The following LRRTM4 variants were observed in gnomAD, a reference collection of about 807,000 sequenced individuals.
LRRTM4 encodes leucine-rich repeat transmembrane neuronal protein 4.
In LRRTM4, 25 loss-of-function variants were observed where a neutral mutation model predicts 47.6. That is an observed-to-expected ratio of 0.53 (90% CI 0.38 to 0.73). The LOEUF (loss-of-function observed/expected upper bound fraction) is 0.73, where lower values mean the gene tolerates loss of function less well. LRRTM4 is among the 30% of genes least tolerant of loss of function. The pLI is 0.00. For missense variants in LRRTM4, 638 were observed against 713.4 expected (o/e 0.89, Z 1.20); for synonymous variants, 311 against 269.5 (o/e 1.15, Z -1.51).
At chr2:77,335,584 C>A (rs1180514517) in intron 3 of LRRTM4, among the ~76,000 whole-genome samples, 1 of 152,166 alleles carries the variant, frequency 6.6e-6, no homozygotes, top group Non-Finnish European at 1.5e-5. Flanking sequence ...TTACTCTTAT[C>A]TTTTGGAATT....
intron 3 of LRRTM4, among the ~76,000 whole-genome samples, chr2:77,374,285 A>G (rs1672752914): frequency 6.6e-6 from 1 of 151,858 alleles, no homozygotes; most frequent in Admixed American, 6.6e-5. Flanking sequence ...AAATAAATAT[A>G]TTGAAAGCAG....
intron 3 of LRRTM4, among the ~76,000 whole-genome samples, chr2:77,136,360 C>A (rs938354494): frequency 6.6e-6 from 1 of 152,160 alleles, no homozygotes; most frequent in South Asian, 2.1e-4. Flanking sequence ...GATACCCAGG[C>A]AAACAGGGTC....
chr2:77,024,125 C>T (rs1203189975), intron 3 of LRRTM4, among the ~76,000 whole-genome samples: 1 of 152,116 alleles, frequency 6.6e-6, no homozygotes, highest in African/African-American at 2.4e-5. Flanking sequence ...TTACTCATTA[C>T]CACAAGAACA....
chr2:76,873,458 T>TAA (rs1435540555), intron 3 of LRRTM4, among the ~76,000 whole-genome samples: 17 of 139,900 alleles, frequency 1.2e-4, no homozygotes, highest in African/African-American at 4.6e-4. Flanking sequence ...TATATATATA[T>TAA]AACGTGTGTG....
chr2:77,125,650 A>G (rs953979184), intron 3 of LRRTM4, among the ~76,000 whole-genome samples: 3 of 152,188 alleles, frequency 2.0e-5, no homozygotes, highest in Non-Finnish European at 4.4e-5. Flanking sequence ...AATTAAAACC[A>G]AAGTGCATGC....
intron 3 of LRRTM4, among the ~76,000 whole-genome samples, chr2:77,281,564 C>T (rs1676506386): frequency 6.6e-6 from 1 of 151,724 alleles, no homozygotes; most frequent in South Asian, 2.1e-4. Context: ...CATGACTTCA[C>T]TATTACGGTA....
At chr2:77,050,441 C>T (rs996848243) in intron 3 of LRRTM4, among the ~76,000 whole-genome samples, 2 of 152,074 alleles carry the variant, frequency 1.3e-5, no homozygotes, top group Non-Finnish European at 2.9e-5. Flanking sequence ...AATAGCATAT[C>T]GGTTTACCAT....
intron 3 of LRRTM4, among the ~76,000 whole-genome samples, chr2:77,468,984 G>T (rs569633329): frequency 3.9e-5 from 6 of 152,268 alleles, no homozygotes; most frequent in Admixed American, 3.3e-4. Flanking sequence ...AATTGAAAAC[G>T]AATCCAGCTC....
At chr2:77,041,450 GA>G (rs774760081) in intron 3 of LRRTM4, among the ~76,000 whole-genome samples, 21 of 151,594 alleles carry the variant, frequency 1.4e-4, no homozygotes, top group Admixed American at 6.6e-4. Flanking sequence ...GAGACAGCCA[GA>G]TCATACAGTA....
At chr2:76,879,623 G>C (rs560180268) in intron 3 of LRRTM4, among the ~76,000 whole-genome samples, 2 of 152,282 alleles carry the variant, frequency 1.3e-5, no homozygotes, top group African/African-American at 4.8e-5. Context: ...TGTTAACTCA[G>C]TATCCTTTCT....
chr2:76,936,779 C>T (rs1261742684), intron 3 of LRRTM4, among the ~76,000 whole-genome samples: 2 of 150,028 alleles, frequency 1.3e-5, no homozygotes, highest in Non-Finnish European at 3.0e-5. Flanking sequence ...AATGGTGAAT[C>T]CCCATTTCTA....
At chr2:77,197,726 T>C (rs886458748) in intron 3 of LRRTM4, among the ~76,000 whole-genome samples, 2 of 152,218 alleles carry the variant, frequency 1.3e-5, no homozygotes, top group African/African-American at 4.8e-5. Flanking sequence ...ATTCTATCTA[T>C]ATAGTGAGGA....
intron 3 of LRRTM4, among the ~76,000 whole-genome samples, chr2:77,179,478 C>T (rs980321095): frequency 9.2e-5 from 14 of 152,012 alleles, no homozygotes; most frequent in Non-Finnish European, 1.6e-4. Flanking sequence ...GTTTAGTAAT[C>T]GTTTGTTCAG....
At chr2:77,389,389 T>C (rs72809196) in intron 3 of LRRTM4, among the ~76,000 whole-genome samples, 2,878 of 152,156 alleles carry the variant, frequency 0.019, 38 homozygotes, top group Non-Finnish European at 0.03. Context: ...ACACCAAAGA[T>C]AAAGCTAAAT....
chr2:77,360,567 TAC>T (rs1449166503), intron 3 of LRRTM4, among the ~76,000 whole-genome samples: 2 of 149,630 alleles, frequency 1.3e-5, no homozygotes, highest in East Asian at 3.9e-4. Flanking sequence ...CATACATACA[TAC>T]ATACATACAT....
At chr2:77,001,336 G>T (rs1483003764) in intron 3 of LRRTM4, among the ~76,000 whole-genome samples, 1 of 152,020 alleles carries the variant, frequency 6.6e-6, no homozygotes, top group Non-Finnish European at 1.5e-5. Flanking sequence ...AACTGACAGG[G>T]GATCTGAAAT....
intron 3 of LRRTM4, among the ~76,000 whole-genome samples, chr2:76,907,389 A>G (rs569502701): frequency 2.6e-4 from 40 of 151,362 alleles, no homozygotes; most frequent in African/African-American, 8.5e-4. Context: ...AAGAAAAAGC[A>G]GGAAAGATCC....
At chr2:76,959,829 T>C (rs1459537463) in intron 3 of LRRTM4, among the ~76,000 whole-genome samples, 4 of 151,648 alleles carry the variant, frequency 2.6e-5, no homozygotes, top group Admixed American at 2.6e-4. Context: ...GTCATTTACA[T>C]TATTTAAAAT....
At chr2:77,160,800 C>T (rs377400976) in intron 3 of LRRTM4, among the ~76,000 whole-genome samples, 29 of 152,242 alleles carry the variant, frequency 1.9e-4, no homozygotes, top group African/African-American at 6.0e-4. Context: ...GGAGGCCACA[C>T]GATTACAATT....
Sources: allele counts gnomAD v4.1 joint callset (sites outside exome capture counted in the v4.1 genomes callset), GRCh38; gene constraint gnomAD v4.1.1; transcripts MANE v1.5; gene names NCBI Gene and HGNC (gene_info 2026-07-23, HGNC 2026-07-21).